ACTL6A: variants seen among roughly 807,000 people sequenced by gnomAD.
ACTL6A encodes the protein actin like 6A.
ACTL6A carries 5 observed loss-of-function variants against 59.2 expected under a neutral mutation model. That is an observed-to-expected ratio of 0.08 (90% CI 0.04 to 0.18). The LOEUF (loss-of-function observed/expected upper bound fraction) is 0.18, where lower values mean the gene tolerates loss of function less well. ACTL6A is among the 10% of genes least tolerant of loss of function. ACTL6A has a pLI of 1.00. For missense variants in ACTL6A, 285 were observed against 526.9 expected, an observed-to-expected ratio of 0.54 and a Z score of 4.49; for synonymous variants, 154 against 171.8, an observed-to-expected ratio of 0.90 and a Z score of 0.81.
At chr3:179,563,474 C>T (rs1423772191) in intron 1 of ACTL6A, among the ~76,000 whole-genome samples, 1 of 152,242 alleles carries the variant, frequency 6.6e-6, no homozygotes, top group African/African-American at 2.4e-5. Context: ...GGTCGCATCT[C>T]CCCGAGTGCC....
intron 3 of ACTL6A, among the ~76,000 whole-genome samples, chr3:179,572,563 T>C (rs2108359234): frequency 6.6e-6 from 1 of 152,248 alleles, no homozygotes; most frequent in Non-Finnish European, 1.5e-5. Flanking sequence ...CCCAGCACTT[T>C]GGAGGCTGAG....
Position 179,588,158 on chromosome 3 carries a change from G to T in ACTL6A, c.*148G>T. 5.7e-6 allele frequency: 3 copies of T among 527,060 alleles called. No individual in the cohort carries two copies. Among genetic ancestry groups the T allele is most frequent in the Non-Finnish European group, 9.6e-6 (3 of 312,664 alleles). The allele number at this position is 527,060 out of a possible 1,614,324, so 32.6% of individuals were successfully genotyped here. A position where few individuals can be genotyped will look rare whatever the true frequency, so the allele number is the denominator to read the frequency against. On this transcript the variant is annotated 3_prime_UTR_variant, in exon 14 of 14. Transcript: ENST00000429709. ...ACTTAAATTTTTTAAAGCTTTAACT[G>T]GCTCTATAAATTAAGTTTGTGCTTT...
At chr3:179,563,228 G>T in intron 1 of ACTL6A, 111 bp downstream of exon 1, 1 of 1,479,400 alleles carries the variant, frequency 6.8e-7, no homozygotes, top group South Asian at 1.3e-5. Context: ...CCCCCTCTCG[G>T]GACCCCGGCC....
chr3:179,578,313 G>T (rs1000385811), intron 8 of ACTL6A, among the ~76,000 whole-genome samples: 3 of 152,174 alleles, frequency 2.0e-5, no homozygotes, highest in Admixed American at 2.0e-4. Flanking sequence ...AATTAGCTGG[G>T]TGTGGTGGTG....
intron 3 of ACTL6A, among the ~76,000 whole-genome samples, chr3:179,573,018 C>T (rs1417568326): frequency 1.4e-5 from 2 of 142,888 alleles, no homozygotes; most frequent in African/African-American, 5.1e-5. Context: ...GCAGTAGTAT[C>T]ATCAGAAGGC....
intron 11 of ACTL6A, among the ~76,000 whole-genome samples, chr3:179,583,082 G>A (rs878906854): frequency 1.3e-5 from 2 of 152,074 alleles, no homozygotes; most frequent in Admixed American, 6.6e-5. Flanking sequence ...ACGAGACCCC[G>A]TCTCTAAAAG....
chr3:179,569,398 C>T (rs960344883), intron 1 of ACTL6A, among the ~76,000 whole-genome samples: 1 of 152,094 alleles, frequency 6.6e-6, no homozygotes, highest in African/African-American at 2.4e-5. Context: ...CAAATAATTC[C>T]CTTTAATAAG....
chr3:179,573,909 A>G (rs1468002711), intron 4 of ACTL6A, among the ~76,000 whole-genome samples: 1 of 152,194 alleles, frequency 6.6e-6, no homozygotes, highest in African/African-American at 2.4e-5. Flanking sequence ...TGGTACATAG[A>G]CAAAAAGGTC....
chr3:179,565,908 C>G (rs1560008915), intron 1 of ACTL6A, among the ~76,000 whole-genome samples: 1 of 152,012 alleles, frequency 6.6e-6, no homozygotes, highest in East Asian at 1.9e-4. Flanking sequence ...ATTGAAGAGG[C>G]AAAGAGGTGG....
At chr3:179,563,598 G>A (rs1364469114) in intron 1 of ACTL6A, among the ~76,000 whole-genome samples, 1 of 152,204 alleles carries the variant, frequency 6.6e-6, no homozygotes, top group African/African-American at 2.4e-5. Flanking sequence ...GGCAAAGCGA[G>A]CCTCAAGCCG....
At chr3:179,563,579 C>T (rs1717737852) in intron 1 of ACTL6A, among the ~76,000 whole-genome samples, 1 of 152,206 alleles carries the variant, frequency 6.6e-6, no homozygotes, top group South Asian at 2.1e-4. Context: ...CCCAGAGTGT[C>T]CCATAGGTGG....
chr3:179,577,502 T>G (rs1251684203), intron 8 of ACTL6A, among the ~76,000 whole-genome samples: 1 of 152,068 alleles, frequency 6.6e-6, no homozygotes, highest in Non-Finnish European at 1.5e-5. Context: ...AAAAAAACTG[T>G]TACTTTAGGT....
intron 9 of ACTL6A, 81 bp downstream of exon 9, chr3:179,580,782 A>AATATT: frequency 7.2e-7 from 1 of 1,394,528 alleles, no homozygotes; most frequent in Non-Finnish European, 9.9e-7. Context: ...TAATGTTTAA[A>AATATT]ATATTCTCAC....
In ACTL6A at chr3:179,573,356, T is replaced by C; in HGVS notation, c.278-13T>C. The C allele has an allele frequency of 6.6e-7, 1 of 1,516,336 alleles. No individual in the cohort carries two copies. The highest frequency in any genetic ancestry group is 8.9e-7 in the Non-Finnish European group (1 of 1,121,258). 93.9% of individuals were successfully genotyped at this position (1,516,336 alleles called of 1,614,324 possible). On this transcript the variant is annotated splice_polypyrimidine_tract_variant and intron_variant, in intron 3 of 13. Transcript: ENST00000429709. ...CTATGCATTATTTCCAAGTTACTAATCTTATATTCTAGTTGAAGACTGGGA... is the reference window on the plus strand; with the variant it reads ...CTATGCATTATTTCCAAGTTACTAACCTTATATTCTAGTTGAAGACTGGGA...
chr3:179,576,609 C>A lies in ACTL6A; in HGVS notation c.572-11C>A. ...TACTGCCCTCTTAGCCTTGTTTCAT[C>A]TGTTTCATAGGCATTGTGAAATCCC... is the stretch of plus-strand genomic sequence containing the variant. On this transcript the variant is annotated splice_polypyrimidine_tract_variant and intron_variant, in intron 6 of 13. Coordinates refer to ENST00000429709, the MANE Select transcript of ACTL6A (RefSeq NM_004301.5). The A allele has an allele frequency of 6.2e-7, 1 of 1,600,300 alleles. No homozygotes were observed. The highest frequency in any genetic ancestry group is 8.6e-7 in the Non-Finnish European group (1 of 1,168,712).
chr3:179,581,495 C>T (rs1019560382), intron 11 of ACTL6A, among the ~76,000 whole-genome samples: 1 of 152,200 alleles, frequency 6.6e-6, no homozygotes, highest in Non-Finnish European at 1.5e-5. Context: ...GTTGTAGTAG[C>T]CTCATTATAA....
At chr3:179,565,147 G>T (rs1270578674) in intron 1 of ACTL6A, among the ~76,000 whole-genome samples, 2 of 152,096 alleles carry the variant, frequency 1.3e-5, no homozygotes, top group Admixed American at 1.3e-4. Context: ...GATGTTCATT[G>T]ATAACAATAT....
In ACTL6A at chr3:179,570,798, G is replaced by A. The variant is rs1717981935; in HGVS notation, c.277+557G>A. Among the ~76,000 whole-genome samples the A allele has an allele frequency of 6.6e-6, 1 of 152,182 alleles. No individual in the cohort carries two copies. Among genetic ancestry groups the A allele is most frequent in the Non-Finnish European group, 1.5e-5 (1 of 68,030 alleles). On this transcript the variant is annotated intron_variant, in intron 3 of 13. Coordinates refer to ENST00000429709, the MANE Select transcript of ACTL6A (RefSeq NM_004301.5). The surrounding 1 kb of genome is among the most constrained non-coding windows in gnomAD (Gnocchi z 4.3). ...AGCAGTAGCAGGAAAGGTAGGCAGG[G>A]AGCAGTCATAAAAGGGCTTGTAAAC...
intron 12 of ACTL6A, among the ~76,000 whole-genome samples, chr3:179,584,060 A>G (rs1379559511): frequency 1.3e-5 from 2 of 152,210 alleles, no homozygotes; most frequent in East Asian, 1.9e-4. Flanking sequence ...AACAAAGTAC[A>G]TGTTAGTGGC....
Sources: gnomAD v4.1 joint callset for allele counts (sites outside exome capture counted in the v4.1 genomes callset) on GRCh38, gnomAD v4.1.1 for gene constraint, Gnocchi (gnomAD v3.1) non-coding constraint, MANE v1.5 for transcripts, NCBI Gene and HGNC (gene_info 2026-07-23, HGNC 2026-07-21) for gene names.